NYAP2: variants seen among roughly 807,000 people sequenced by gnomAD.
NYAP2 encodes neuronal tyrosine-phosphorylated phosphoinositide-3-kinase adapter 2.
In NYAP2, 23 loss-of-function variants were observed where a neutral mutation model predicts 50.4. That is an observed-to-expected ratio of 0.46 (90% CI 0.33 to 0.65). The LOEUF (loss-of-function observed/expected upper bound fraction) is 0.65, where lower values mean the gene tolerates loss of function less well. Ranked by LOEUF, NYAP2 falls within the 30% of genes least tolerant of loss-of-function variation. NYAP2 has a pLI of 0.02. For synonymous variants in NYAP2, 394 were observed against 365.2 expected (o/e 1.08, Z -0.90); for missense variants, 885 against 861.0 (o/e 1.03, Z -0.35).
At chr2:225,610,029 G>A (rs1172681787) in intron 5 of NYAP2, among the ~76,000 whole-genome samples, 1 of 152,114 alleles carries the variant, frequency 6.6e-6, no homozygotes, top group Non-Finnish European at 1.5e-5. Flanking sequence ...TGAAGATTAT[G>A]TAGTTGCCTC....
chr2:225,420,611 CTTT>C (rs11356958), intron 3 of NYAP2, among the ~76,000 whole-genome samples: 1 of 142,184 alleles, frequency 7.0e-6, no homozygotes, highest in Non-Finnish European at 1.5e-5. Context: ...CTTTTCTTTT[CTTT>C]TTTTTTTTTG....
At chr2:225,663,785 T>C in the NYAP2 span, among the ~76,000 whole-genome samples, 10 of 152,098 alleles carry the variant, frequency 6.6e-5, no homozygotes, top group African/African-American at 2.4e-4. Flanking sequence ...CTTGATCTCT[T>C]GACCTTGTGA....
chr2:225,459,136 A>G (rs143993730), intron 3 of NYAP2, among the ~76,000 whole-genome samples: 2,202 of 152,350 alleles, frequency 0.014, 64 homozygotes, highest in African/African-American at 0.051. Flanking sequence ...TTAAAAATCT[A>G]TGTAATATAG....
chr2:225,579,828 T>C (rs1400495224), intron 4 of NYAP2, among the ~76,000 whole-genome samples: 2 of 152,228 alleles, frequency 1.3e-5, no homozygotes, highest in East Asian at 3.9e-4. Flanking sequence ...TAATCTATGT[T>C]GGAGTATCAG....
chr2:225,463,834 A>G (rs764134102), intron 3 of NYAP2, among the ~76,000 whole-genome samples: 31 of 152,198 alleles, frequency 2.0e-4, no homozygotes, highest in Non-Finnish European at 1.3e-4. Context: ...TGTGAGCAGC[A>G]TGCACTTTGG....
At chr2:225,677,787 T>G in the NYAP2 span, among the ~76,000 whole-genome samples, 11 of 152,262 alleles carry the variant, frequency 7.2e-5, no homozygotes, top group African/African-American at 2.4e-4. Flanking sequence ...TTAAATTAAT[T>G]TTTTGAGGTG....
At chr2:225,627,764 T>G (rs1693234611) in intron 6 of NYAP2, among the ~76,000 whole-genome samples, 2 of 152,254 alleles carry the variant, frequency 1.3e-5, no homozygotes, top group Non-Finnish European at 1.5e-5. Flanking sequence ...TAGGTATTAT[T>G]AAACATCAAC....
intron 4 of NYAP2, among the ~76,000 whole-genome samples, chr2:225,556,647 A>C (rs1691781073): frequency 6.6e-6 from 1 of 152,114 alleles, no homozygotes; most frequent in African/African-American, 2.4e-5. Context: ...ATTGATCAGA[A>C]CTGTCAAATG....
At chr2:225,562,096 G>A (rs1474091774) in intron 4 of NYAP2, among the ~76,000 whole-genome samples, 1 of 152,090 alleles carries the variant, frequency 6.6e-6, no homozygotes, top group African/African-American at 2.4e-5. Context: ...ATCCACTGGT[G>A]CTTTTCCTAC....
At chr2:225,550,396 G>T (rs1418624781) in intron 4 of NYAP2, among the ~76,000 whole-genome samples, 1 of 152,114 alleles carries the variant, frequency 6.6e-6, no homozygotes, top group Non-Finnish European at 1.5e-5. Context: ...TAATTAGGTT[G>T]AGGACAGAGA....
At chr2:225,673,692 T>C in the NYAP2 span, among the ~76,000 whole-genome samples, 1 of 152,094 alleles carries the variant, frequency 6.6e-6, no homozygotes, top group African/African-American at 2.4e-5. Flanking sequence ...TATAACCCTT[T>C]TGGGGTTAGG....
In NYAP2 at chr2:225,614,695, TAGACTGTGTTTTAC is replaced by T. The variant is rs1692957133; in HGVS notation, c.1619-12218_1619-12205del. Among the ~76,000 whole-genome samples, 2 of 152,266 alleles carry T rather than the reference TAGACTGTGTTTTAC, an allele frequency of 1.3e-5. 1 individual carries two copies. The highest frequency in any genetic ancestry group is 4.1e-4 in the South Asian group (2 of 4,832). On this transcript the variant is annotated intron_variant, in intron 5 of 6. Transcript: ENST00000636099. The stretch of plus-strand genomic sequence containing the variant: ...ATTAGAAACACAAGGATCTAATATT[TAGACTGTGTTTTAC>T]AGAAGAGAAAATGAGAAATAATTTC...
intron 5 of NYAP2, among the ~76,000 whole-genome samples, chr2:225,587,845 A>G (rs972704347): frequency 3.3e-5 from 5 of 151,624 alleles, no homozygotes; most frequent in African/African-American, 1.2e-4. Flanking sequence ...AAAAAGCTAT[A>G]TCATACTCAA....
At chr2:225,612,640 G>A (rs1369680421) in intron 5 of NYAP2, among the ~76,000 whole-genome samples, 1 of 152,124 alleles carries the variant, frequency 6.6e-6, no homozygotes, top group Non-Finnish European at 1.5e-5. Flanking sequence ...TCTCTTCTAG[G>A]ATTGGAGATG....
intron 3 of NYAP2, among the ~76,000 whole-genome samples, chr2:225,467,501 G>C (rs1689939359): frequency 6.6e-6 from 1 of 152,164 alleles, no homozygotes; most frequent in Non-Finnish European, 1.5e-5. Flanking sequence ...TACTGTAACA[G>C]TATAAACAAA....
chr2:225,484,016 A>T (rs1690249783), intron 3 of NYAP2, among the ~76,000 whole-genome samples: 1 of 152,214 alleles, frequency 6.6e-6, no homozygotes, highest in East Asian at 1.9e-4. Context: ...AAACTTGAGG[A>T]TTTGAGGGTC....
the NYAP2 span, among the ~76,000 whole-genome samples, chr2:225,682,035 G>A: frequency 1.3e-5 from 2 of 152,086 alleles, no homozygotes; most frequent in African/African-American, 4.8e-5. Context: ...ATACTATCTA[G>A]TCCTTATTGT....
intron 4 of NYAP2, among the ~76,000 whole-genome samples, chr2:225,580,039 C>A (rs745948273): frequency 6.6e-6 from 1 of 152,166 alleles, no homozygotes; most frequent in African/African-American, 2.4e-5. Context: ...ATTCCCTCAA[C>A]CCCAGTCCAT....
At chr2:225,504,671 G>C (rs987165159) in intron 3 of NYAP2, among the ~76,000 whole-genome samples, 4 of 152,054 alleles carry the variant, frequency 2.6e-5, no homozygotes, top group Non-Finnish European at 5.9e-5. Context: ...TTTGGCAGAG[G>C]TGAAATCTCC....
Sources: gnomAD v4.1 joint callset for allele counts (sites outside exome capture counted in the v4.1 genomes callset) on GRCh38, gnomAD v4.1.1 for gene constraint, MANE v1.5 for transcripts, NCBI Gene and HGNC (gene_info 2026-07-23, HGNC 2026-07-21) for gene names.